The following PPP2R5C variants were observed in gnomAD, a reference collection of about 807,000 sequenced individuals.
PPP2R5C encodes protein phosphatase 2 regulatory subunit B'gamma, also known as serine/threonine-protein phosphatase 2A 56 kDa regulatory subunit gamma isoform.
In PPP2R5C, 7 loss-of-function variants were observed where a neutral mutation model predicts 68.9. That is an observed-to-expected ratio of 0.10 (90% confidence interval 0.06 to 0.19). PPP2R5C has a LOEUF of 0.19. Among genes scored for constraint, PPP2R5C ranks in the 10% least tolerant of loss-of-function variants. PPP2R5C has a pLI of 1.00. For missense variants in PPP2R5C, 348 were observed against 641.3 expected (o/e 0.54, Z 4.94); for synonymous variants, 210 against 222.2 (o/e 0.95, Z 0.49).
intron 1 of PPP2R5C, among the ~76,000 whole-genome samples, chr14:101,826,969 CTTTTTTTTTTT>C (rs1030539072): frequency 2.1e-5 from 2 of 95,860 alleles, no homozygotes; most frequent in Non-Finnish European, 4.0e-5. Flanking sequence ...AAATGTTTAA[CTTTTTTTTTTT>C]TTTTTTTTTT....
At chr14:101,783,725 C>G (rs2037953857) in intron 2 of PPP2R5C, among the ~76,000 whole-genome samples, 1 of 152,310 alleles carries the variant, frequency 6.6e-6, no homozygotes, top group Non-Finnish European at 1.5e-5. Flanking sequence ...GGGTCAGAAG[C>G]CACGGGGGAG....
chr14:101,872,412 A>G (rs924403381), intron 2 of PPP2R5C, among the ~76,000 whole-genome samples: 1 of 150,508 alleles, frequency 6.6e-6, no homozygotes, highest in Non-Finnish European at 1.5e-5. Flanking sequence ...TAATTTTTTT[A>G]CTTTTTGTGG....
chr14:101,904,636 C>A (rs2045921439), intron 9 of PPP2R5C, among the ~76,000 whole-genome samples: 1 of 152,190 alleles, frequency 6.6e-6, no homozygotes, highest in African/African-American at 2.4e-5. Context: ...GAGGAATCAG[C>A]CCTGATTCCT....
chr14:101,780,388 C>G (rs1220414952), intron 2 of PPP2R5C, among the ~76,000 whole-genome samples: 1 of 152,084 alleles, frequency 6.6e-6, no homozygotes, highest in East Asian at 1.9e-4. Flanking sequence ...TGTTCCCATA[C>G]GTTTGAGAGA....
upstream of PPP2R5C, chr14:101,809,718 G>A (rs888639208): frequency 2.2e-6 from 2 of 900,280 alleles, no homozygotes; most frequent in African/African-American, 1.7e-5. Flanking sequence ...CAGCTTTTAA[G>A]GCACACTGAC....
chr14:101,865,511 C>G (rs949804792), intron 2 of PPP2R5C, among the ~76,000 whole-genome samples: 1 of 152,174 alleles, frequency 6.6e-6, no homozygotes, highest in Non-Finnish European at 1.5e-5. Flanking sequence ...CCAAACCATG[C>G]GATAGAGTCA....
chr14:101,826,470 A>T (rs2040404718), intron 1 of PPP2R5C, among the ~76,000 whole-genome samples: 1 of 152,156 alleles, frequency 6.6e-6, no homozygotes. Context: ...TTATTTCTGG[A>T]TTCTCTATTC....
intron 1 of PPP2R5C, among the ~76,000 whole-genome samples, chr14:101,851,212 A>T (rs1746592): frequency 6.6e-6 from 1 of 152,150 alleles, no homozygotes; most frequent in African/African-American, 2.4e-5. Flanking sequence ...CAGGAGGATC[A>T]CTTGAGCCCA....
chr14:101,869,296 C>T (rs1043571385), intron 2 of PPP2R5C, among the ~76,000 whole-genome samples: 6 of 152,194 alleles, frequency 3.9e-5, no homozygotes, highest in Non-Finnish European at 8.8e-5. Context: ...AGTGTTGTCT[C>T]ATTATATAAA....
chr14:101,764,014 T>C (rs1186493095), intron 2 of PPP2R5C, among the ~76,000 whole-genome samples: 1 of 151,176 alleles, frequency 6.6e-6, no homozygotes, highest in East Asian at 2.0e-4. Flanking sequence ...TGTGTGTGTG[T>C]GTGTGTGTGT....
At position 101,851,652 on chromosome 14, in the gene PPP2R5C, A is replaced by G. The variant is rs1000551866; in HGVS notation, c.95-5034A>G. 2.0e-5 allele frequency among the ~76,000 whole-genome samples: 3 copies of G among 152,008 alleles called. No homozygotes were observed. In the South Asian group the frequency reaches 6.2e-4, roughly 32 times the overall value. On this transcript the variant is annotated intron_variant, in intron 1 of 13. Transcript: ENST00000334743. Reference sequence around the variant, plus strand: ...TTTTGCAGCTGTGTCTCCTTGCTCCATCGGGGTAATGCTTATTTGGAAGGC... The same window carrying G: ...TTTTGCAGCTGTGTCTCCTTGCTCCGTCGGGGTAATGCTTATTTGGAAGGC...
intron 1 of PPP2R5C, among the ~76,000 whole-genome samples, chr14:101,762,215 G>C (rs1369927140): frequency 6.6e-6 from 1 of 152,018 alleles, no homozygotes; most frequent in Non-Finnish European, 1.5e-5. Context: ...CCGGGGAGGG[G>C]GTCGGAGGGG....
intron 2 of PPP2R5C, among the ~76,000 whole-genome samples, chr14:101,873,050 TTTAA>T (rs2043524433): frequency 6.6e-6 from 1 of 152,214 alleles, no homozygotes; most frequent in African/African-American, 2.4e-5. Flanking sequence ...ACACATTTTT[TTTAA>T]TTAAGTGAGC....
At chr14:101,919,989 A>AC (rs960681467) in intron 13 of PPP2R5C, among the ~76,000 whole-genome samples, 106 of 150,824 alleles carry the variant, frequency 7.0e-4, no homozygotes, top group Non-Finnish European at 1.2e-3. Flanking sequence ...AAAAAAAAAA[A>AC]AAACCAATTC....
intron 1 of PPP2R5C, 51 bp downstream of exon 1, chr14:101,761,971 G>T: frequency 8.4e-7 from 1 of 1,184,136 alleles, no homozygotes; most frequent in Non-Finnish European, 1.1e-6. Flanking sequence ...GGACTGCCGG[G>T]GGAGGGCGCG....
intron 3 of PPP2R5C, among the ~76,000 whole-genome samples, chr14:101,792,237 T>G (rs1051935058): frequency 6.6e-6 from 1 of 152,226 alleles, no homozygotes; most frequent in African/African-American, 2.4e-5. Flanking sequence ...AATTTTCAGT[T>G]TTACTAGTGA....
chr14:101,803,729 C>T (rs1251321166), intron 3 of PPP2R5C, among the ~76,000 whole-genome samples: 1 of 108,720 alleles, frequency 9.2e-6, no homozygotes, highest in African/African-American at 3.4e-5. Flanking sequence ...GACTCCATCT[C>T]AAAAAAAAAA....
intron 1 of PPP2R5C, chr14:101,836,727 A>G: frequency 4.4e-6 from 1 of 228,208 alleles, no homozygotes; most frequent in Non-Finnish European, 8.7e-6. Context: ...CTAAGAAGAG[A>G]TAGGTAATAT....
intron 2 of PPP2R5C, among the ~76,000 whole-genome samples, chr14:101,878,400 G>T (rs1040983204): frequency 3.9e-5 from 6 of 152,234 alleles, no homozygotes; most frequent in Non-Finnish European, 2.9e-5. Flanking sequence ...CAGTGAGTGT[G>T]CAGGTGTTTG....
Sources: gnomAD v4.1 joint callset for allele counts (sites outside exome capture counted in the v4.1 genomes callset) on GRCh38, gnomAD v4.1.1 for gene constraint, MANE v1.5 for transcripts, NCBI Gene and HGNC (gene_info 2026-07-23, HGNC 2026-07-21) for gene names.